Variants in PALD1 observed in about 807,000 individuals in gnomAD.
PALD1 encodes the protein phosphatase domain containing paladin 1.
A neutral mutation model predicts 96.0 loss-of-function variants in PALD1; 57 were observed. The observed-to-expected ratio is 0.59, with a 90% CI of 0.48 to 0.74. The LOEUF (loss-of-function observed/expected upper bound fraction) is 0.74, where lower values mean the gene tolerates loss of function less well. Ranked by LOEUF, PALD1 falls within the 30% of genes least tolerant of loss-of-function variation. The pLI is 0.00. For synonymous variants in PALD1, 464 were observed against 473.6 expected, an observed-to-expected ratio of 0.98 and a Z score of 0.26; for missense variants, 1,063 against 1,143.7, an observed-to-expected ratio of 0.93 and a Z score of 1.02.
At position 70,539,738 on chromosome 10, in the gene PALD1, G is replaced by A. The variant is rs760010716; in HGVS notation, c.1884G>A (p.Pro628=). Residue 628 remains proline, a synonymous_variant, in exon 15 of 20, where the codon CCG becomes CCA. Transcript: ENST00000263563. This position sits in a 1 kb window ranked among gnomAD's most constrained non-coding sequence, Gnocchi z 4.5. ...TCACCTACCACCGCATCCCCATGCC[G>A]GACTTCTGTGCCCCCCGAGAGGAGG... The part of the protein sequence containing the change: ...PGLTYHRIPM[P]DFCAPREEDF... 8.7e-6 allele frequency: 14 copies of A among 1,611,632 alleles called. No homozygotes were observed. The highest frequency in any genetic ancestry group is 5.4e-5 in the African/African-American group (4 of 74,752).
chr10:70,566,655 G>A lies in PALD1; in HGVS notation c.2493G>A (p.Gln831=). The A allele has an allele frequency of 6.2e-7, 1 of 1,609,404 alleles. No individual in the cohort carries two copies. The highest frequency in any genetic ancestry group is 8.5e-7 in the Non-Finnish European group (1 of 1,178,560). The change falls in exon 20 of 20, where the codon CAG becomes CAA. Residue 831 remains glutamine (Q), a synonymous_variant. Transcript: ENST00000263563. ...CCGAGCTGGAGAGCGGGGAGGACCA[G>A]CCCTTCTCCAGGCTGCGCTACCGGT... ...GFPELESGED[Q]PFSRLRYRWQ... is the part of the protein sequence containing the mutation.
intron 1 of PALD1, among the ~76,000 whole-genome samples, chr10:70,492,079 T>G (rs1370658862): frequency 2.0e-5 from 3 of 152,246 alleles, no homozygotes; most frequent in Non-Finnish European, 4.4e-5. Context: ...AGTATTTGTT[T>G]GGATACTTGT....
At chr10:70,476,397 C>G (rs955897712), upstream of PALD1, among the ~76,000 whole-genome samples, 1 of 152,210 alleles carries the variant, frequency 6.6e-6, no homozygotes, top group Non-Finnish European at 1.5e-5. Context: ...CACGGTGGGG[C>G]AGATCTGACT....
At chr10:70,531,225 G>A in intron 4 of PALD1, 65 bp from the exon 5 acceptor site, 2 of 1,378,888 alleles carry the variant, frequency 1.5e-6, no homozygotes, top group South Asian at 1.2e-5. Context: ...CTGAGGTGGG[G>A]CAGTGGTGCA....
chr10:70,458,902 GGTGCC>G, the PALD1 span, among the ~76,000 whole-genome samples: 1 of 152,248 alleles, frequency 6.6e-6, no homozygotes, highest in Non-Finnish European at 1.5e-5. Flanking sequence ...GCCCCCATTT[GGTGCC>G]AGGCGAGGCC....
intron 1 of PALD1, among the ~76,000 whole-genome samples, chr10:70,510,229 T>G (rs1020623325): frequency 6.6e-6 from 1 of 152,072 alleles, no homozygotes; most frequent in Non-Finnish European, 1.5e-5. Flanking sequence ...CCCCAGCTCC[T>G]TGAAATGATG....
intron 1 of PALD1, among the ~76,000 whole-genome samples, chr10:70,508,622 C>T (rs1056688806): frequency 6.6e-6 from 1 of 152,238 alleles, no homozygotes; most frequent in African/African-American, 2.4e-5. Flanking sequence ...CCCAACGCCA[C>T]CACCCACTGT....
At chr10:70,486,718 G>A (rs1007536699) in intron 1 of PALD1, among the ~76,000 whole-genome samples, 20 of 152,076 alleles carry the variant, frequency 1.3e-4, no homozygotes, top group Non-Finnish European at 2.8e-4. Context: ...CTGAGGTTGC[G>A]CCACTGCACC....
At chr10:70,532,328 C>G (rs182188725) in intron 5 of PALD1, among the ~76,000 whole-genome samples, 1 of 152,234 alleles carries the variant, frequency 6.6e-6, no homozygotes, top group African/African-American at 2.4e-5. Context: ...CTGCTCCCCT[C>G]GGCTCCAGCT....
At chr10:70,513,579 CA>C (rs1846561170) in intron 1 of PALD1, among the ~76,000 whole-genome samples, 1 of 152,116 alleles carries the variant, frequency 6.6e-6, no homozygotes, top group African/African-American at 2.4e-5. Context: ...AGATTTGTTC[CA>C]TTTACTTCTC....
At chr10:70,497,431 C>T (rs901256168) in intron 1 of PALD1, among the ~76,000 whole-genome samples, 7 of 152,192 alleles carry the variant, frequency 4.6e-5, no homozygotes, top group East Asian at 1.9e-4. Context: ...CATTCCTCAG[C>T]GCCACTCGCA....
chr10:70,490,125 G>T (rs1219875004), intron 1 of PALD1, among the ~76,000 whole-genome samples: 2 of 152,092 alleles, frequency 1.3e-5, no homozygotes, highest in Non-Finnish European at 2.9e-5. Flanking sequence ...GTTTCACCGT[G>T]TTGGCCAGGC....
chr10:70,476,405 A>G (rs1564677863), upstream of PALD1, among the ~76,000 whole-genome samples: 1 of 152,120 alleles, frequency 6.6e-6, no homozygotes, highest in Non-Finnish European at 1.5e-5. Context: ...GGCAGATCTG[A>G]CTGAATCTTT....
At chr10:70,475,477 G>T (rs1160033441), upstream of PALD1, among the ~76,000 whole-genome samples, 2 of 152,182 alleles carry the variant, frequency 1.3e-5, no homozygotes. Context: ...CAGTAAGGTG[G>T]TCACAAGGAG....
chr10:70,562,467 G>A (rs780545812), intron 18 of PALD1, among the ~76,000 whole-genome samples: 1 of 152,236 alleles, frequency 6.6e-6, no homozygotes, highest in Non-Finnish European at 1.5e-5. Flanking sequence ...AGGCCGCAGA[G>A]CCCACCCTGG....
chr10:70,563,707 G>T (rs1400891282), intron 18 of PALD1, among the ~76,000 whole-genome samples: 1 of 152,238 alleles, frequency 6.6e-6, no homozygotes, highest in Admixed American at 6.5e-5. Flanking sequence ...TTTGGGCTCA[G>T]AGGCCAAGAT....
chr10:70,521,532 CTCTTTTT>C (rs1473903154), intron 1 of PALD1, among the ~76,000 whole-genome samples: 1 of 151,994 alleles, frequency 6.6e-6, no homozygotes, highest in Non-Finnish European at 1.5e-5. Flanking sequence ...GCAAGGTTTC[CTCTTTTT>C]TCTTTTTTTT....
At chr10:70,523,756 A>G (rs556361377) in intron 1 of PALD1, among the ~76,000 whole-genome samples, 2 of 151,536 alleles carry the variant, frequency 1.3e-5, no homozygotes, top group Middle Eastern at 3.4e-3. Flanking sequence ...GACAGGCGTG[A>G]GTGGGGTTGG....
At position 70,539,299 on chromosome 10, in the gene PALD1, G is replaced by A; in HGVS notation, c.1725+52G>A. 6.6e-7 allele frequency: 1 copy of A among 1,524,696 alleles called. No individual in the cohort carries two copies. The highest frequency in any genetic ancestry group is 8.8e-7 in the Non-Finnish European group (1 of 1,131,184). The allele number at this position is 1,524,696 out of a possible 1,614,324, so 94.4% of individuals were successfully genotyped here. ...CCTGCCTCCGAGGCTTCTGGGGAGT[G>A]GCCTGGGAGGGTCTTCAGAAGGCCT... is the stretch of plus-strand genomic sequence containing the variant. On this transcript the variant is annotated intron_variant, in intron 14 of 19. Transcript: ENST00000263563. The surrounding 1 kb of genome is among the most constrained non-coding windows in gnomAD (Gnocchi z 4.5).
Sources: allele counts gnomAD v4.1 joint callset (sites outside exome capture counted in the v4.1 genomes callset), GRCh38; gene constraint gnomAD v4.1.1; non-coding constraint Gnocchi (gnomAD v3.1); transcripts MANE v1.5; gene names NCBI Gene and HGNC (gene_info 2026-07-23, HGNC 2026-07-21).